RYR1: variants seen among roughly 807,000 people sequenced by gnomAD.
RYR1 encodes central core disease of muscle.
RYR1 carries 342 observed loss-of-function variants against 583.5 expected under a neutral mutation model. The observed-to-expected ratio is 0.59, with a 90% confidence interval of 0.54 to 0.64. The LOEUF is 0.64. RYR1 is among the 30% of genes least tolerant of loss of function. RYR1 has a pLI of 0.00. For missense variants in RYR1, 6,032 were observed against 6,917.2 expected (o/e 0.87, Z 4.54); for synonymous variants, 2,791 against 2,822.5 (o/e 0.99, Z 0.35).
Position 38,559,803 on chromosome 19 carries a change from A to G in RYR1, c.12283-1310A>G, listed in dbSNP as rs146705832. ...AACATTTCTCACACTGCATGTTGCT[A>G]CCCGTCTGGAGGTAATGAAATTAAT... is the stretch of plus-strand genomic sequence containing the variant. On this transcript the variant is annotated intron_variant, in intron 89 of 105. Coordinates refer to ENST00000359596, the MANE Select transcript of RYR1 (RefSeq NM_000540.3). Among the ~76,000 whole-genome samples the G allele has an allele frequency of 5.2e-3, 795 of 152,288 alleles. 10 individuals are homozygous for G. The highest frequency in any genetic ancestry group is 0.015 in the African/African-American group (615 of 41,562).
intron 16 of RYR1, 100 bp from the exon 17 acceptor site, chr19:38,457,397 T>C: frequency 6.5e-7 from 1 of 1,548,106 alleles, no homozygotes; most frequent in South Asian, 1.1e-5. Context: ...CTTATCCCGA[T>C]GCGCTGTCCT....
Position 38,494,610 on chromosome 19 carries a change from T to C in RYR1, c.6533T>C (p.Met2178Thr). The change falls in exon 39 of 106, where the codon ATG becomes ACG. Residue 2178 changes from methionine (M) to threonine (T), a missense_variant. By Grantham distance (81) the Met-to-Thr change is moderately conservative. Coordinates refer to ENST00000359596, the MANE Select transcript of RYR1 (RefSeq NM_000540.3). ...VQMGPQEENLMIQSIGNIMNN... is the reference protein window; with the variant it reads ...VQMGPQEENLTIQSIGNIMNN... ...ATGGGCCCCCAGGAGGAGAACCTCA[T>C]GATCCAGAGCATCGGGTGAGACACC... 4.3e-6 allele frequency: 7 copies of C among 1,614,120 alleles called. No individual in the cohort carries two copies. The highest frequency in any genetic ancestry group is 5.9e-6 in the Non-Finnish European group (7 of 1,180,030).
chr19:38,434,844 G>A (rs1254668459), intron 1 of RYR1, among the ~76,000 whole-genome samples: 1 of 152,154 alleles, frequency 6.6e-6, no homozygotes, highest in Non-Finnish European at 1.5e-5. Context: ...CTCCCCCCGG[G>A]GCCCTGGAGC....
Position 38,499,697 on chromosome 19 carries a change from T to C in RYR1, c.7090T>C (p.Phe2364Leu). 1 of 1,600,832 alleles carries C rather than the reference T, an allele frequency of 6.2e-7. No homozygotes were observed. Among genetic ancestry groups the C allele is most frequent in the Non-Finnish European group, 8.5e-7 (1 of 1,179,788 alleles). ...GCTGCTCATCCGGAAGCCTGAGTGCTTCGGACCCGCCCTGCGGGGTGAGGG... is the reference window on the plus strand; with the variant it reads ...GCTGCTCATCCGGAAGCCTGAGTGCCTCGGACCCGCCCTGCGGGGTGAGGG... ...VRLLIRKPECFGPALRGEGGS... is the reference protein window; with the variant it reads ...VRLLIRKPECLGPALRGEGGS... Residue 2364 changes from phenylalanine (F) to leucine (L), a missense_variant, in exon 44 of 106, where the codon TTC (phenylalanine) becomes CTC (leucine). This residue lies in a region of RYR1 where 2,627 missense variants were observed against 2,961.3 expected (regional missense o/e 0.89). Transcript: ENST00000359596. The surrounding 1 kb of genome is among the most constrained non-coding windows in gnomAD (Gnocchi z 7.3).
rs777369900 is a variant in RYR1, at chr19:38,502,746, C to CAGGGTG, written c.7835+20_7835+25dup. 1 of 1,018,020 alleles carries CAGGGTG rather than the reference C, an allele frequency of 9.8e-7. No homozygotes were observed. The highest frequency in any genetic ancestry group is 1.3e-6 in the Non-Finnish European group (1 of 746,688). 63.1% of individuals were successfully genotyped at this position (1,018,020 alleles called of 1,614,324 possible). ...TCTGCAGGTGGAGCGGGGCAGGCTT[C>CAGGGTG]AGGGTGGGGCAGGGGCAGGGGCAGG... On this transcript the variant is annotated intron_variant, in intron 48 of 105. Transcript: ENST00000359596.
chr19:38,458,592 AATTT>A (rs149336562), intron 18 of RYR1, among the ~76,000 whole-genome samples: 2 of 151,292 alleles, frequency 1.3e-5, no homozygotes, highest in Non-Finnish European at 2.9e-5. Flanking sequence ...ACCCCAGGAG[AATTT>A]ATTTATTTAT....
chr19:38,463,021 C>T (rs1600699802), intron 20 of RYR1, among the ~76,000 whole-genome samples: 2 of 149,964 alleles, frequency 1.3e-5, no homozygotes, highest in Non-Finnish European at 3.0e-5. Flanking sequence ...CTTAGCCTCC[C>T]AAGTAACTGG....
At position 38,584,975 on chromosome 19, in the gene RYR1, G is replaced by A. The variant is rs1357960959; in HGVS notation, c.14679G>A (p.Arg4893=). The change falls in exon 102 of 106, where the codon CGG becomes CGA. Residue 4893 remains arginine, a synonymous_variant. Coordinates refer to ENST00000359596, the MANE Select transcript of RYR1 (RefSeq NM_000540.3). The part of the protein sequence containing the change: ...CYLFHMYVGV[R]AGGGIGDEIE... ...TGTTTCACATGTACGTGGGTGTCCG[G>A]GCTGGCGGAGGCATTGGGGACGAGA... The A allele has an allele frequency of 3.7e-6, 6 of 1,613,904 alleles. No individual in the cohort carries two copies. The African/African-American group carries it at 5.3e-5, about 14-fold the overall frequency.
intron 99 of RYR1, among the ~76,000 whole-genome samples, chr19:38,579,134 AG>A (rs1974086177): frequency 6.7e-6 from 1 of 148,948 alleles, no homozygotes; most frequent in South Asian, 2.2e-4. Flanking sequence ...CAAAAAACAG[AG>A]AGTGGCCAGG....
intron 67 of RYR1, among the ~76,000 whole-genome samples, chr19:38,522,303 TAAA>T (rs1003297048): frequency 1.3e-5 from 2 of 152,094 alleles, no homozygotes; most frequent in African/African-American, 4.8e-5. Context: ...CAAAGTTTTT[TAAA>T]AAAGGAATAG....
intron 92 of RYR1, among the ~76,000 whole-genome samples, chr19:38,567,330 A>G (rs1973489653): frequency 6.6e-6 from 1 of 152,070 alleles, no homozygotes; most frequent in African/African-American, 2.4e-5. Context: ...TGTGTCGAAA[A>G]AGAAAAAAAA....
chr19:38,499,815 G>A lies in RYR1; in HGVS notation c.7208G>A (p.Arg2403His), dbSNP rs749136416. 3.2e-5 allele frequency: 52 copies of A among 1,606,144 alleles called. 1 individual carries two copies. Among genetic ancestry groups the A allele is most frequent in the South Asian group, 3.1e-4 (28 of 90,808 alleles). Reference sequence around the variant, plus strand: ...CCAGGCATCCGCAGGGACCGGCGGCGCGAGCAGTGAGTCTCCCGGCCCCCT... The same window carrying A: ...CCAGGCATCCGCAGGGACCGGCGGCACGAGCAGTGAGTCTCCCGGCCCCCT... Reference protein sequence around the residue: ...DGPGIRRDRRREHFGEEPPEE... With the variant: ...DGPGIRRDRRHEHFGEEPPEE... The change falls in exon 44 of 106, where the codon CGC becomes CAC. Residue 2403 changes from arginine to histidine, a missense_variant. By Grantham distance (29) the Arg-to-His change is conservative. Coordinates refer to ENST00000359596, the MANE Select transcript of RYR1 (RefSeq NM_000540.3). The surrounding 1 kb of genome is among the most constrained non-coding windows in gnomAD (Gnocchi z 7.3).
At chr19:38,580,959 C>T (rs1044819973) in intron 101 of RYR1, among the ~76,000 whole-genome samples, 25 of 147,820 alleles carry the variant, frequency 1.7e-4, no homozygotes, top group East Asian at 6.0e-4. Context: ...AGTGCAGTGG[C>T]GCAATCTCAG....
At chr19:38,453,981 G>A (rs982984228) in intron 13 of RYR1, among the ~76,000 whole-genome samples, 2 of 152,154 alleles carry the variant, frequency 1.3e-5, no homozygotes, top group Non-Finnish European at 2.9e-5. Flanking sequence ...CCACTTTGAG[G>A]CACTGCTCCT....
chr19:38,490,587 C>T, intron 36 of RYR1, 34 bp from the exon 37 acceptor site: 1 of 1,382,304 alleles, frequency 7.2e-7, no homozygotes. Flanking sequence ...TTTGGGATCT[C>T]AGACCCTCAT....
At position 38,458,234 on chromosome 19, in the gene RYR1, C is replaced by G; in HGVS notation, c.2109C>G (p.Gly703=). Residue 703 remains glycine, a synonymous_variant, in exon 18 of 106, where the codon GGC becomes GGG. Transcript: ENST00000359596. ...CTGGGGCCGGCGAGGGCTGGGGCGG[C>G]AACGGGGTCGGCGATGACCTCTATT... The part of the protein sequence containing the change: ...PYPGAGEGWG[G]NGVGDDLYSY... The G allele has an allele frequency of 6.2e-7, 1 of 1,614,026 alleles. No homozygotes were observed. Among genetic ancestry groups the G allele is most frequent in the Non-Finnish European group, 8.5e-7 (1 of 1,180,010 alleles).
Position 38,502,683 on chromosome 19 carries a change from G to T in RYR1, c.7791G>T (p.Lys2597Asn). ...TGTCTCGGGGTCGTTCGCTCACCAAGGCGCAGCGTGACGTCATCGAGGACT... is the reference window on the plus strand; with the variant it reads ...TGTCTCGGGGTCGTTCGCTCACCAATGCGCAGCGTGACGTCATCGAGGACT... ...YRLSRGRSLT[K>N]AQRDVIEDCL... Residue 2597 changes from lysine to asparagine, a missense_variant, in exon 48 of 106, where the codon AAG becomes AAT. Lys to Asn is a moderately conservative substitution (Grantham distance 94). Around this residue, in one of 11 missense-constraint regions of RYR1, gnomAD observed 250 missense variants for 162.3 expected, o/e 1.54. Coordinates refer to ENST00000359596, the MANE Select transcript of RYR1 (RefSeq NM_000540.3). The T allele has an allele frequency of 6.2e-7, 1 of 1,609,008 alleles. No individual in the cohort carries two copies.
rs1178479015 is a variant in RYR1 at position 38,502,990 on chromosome 19, A to G, written c.7926+20A>G. ...CTCAAGGTGAGGGCAAGCGCTCTTT[A>G]GCATCTCATTTCCAGGCCGCACCCA... On this transcript the variant is annotated intron_variant, in intron 49 of 105. Coordinates refer to ENST00000359596, the MANE Select transcript of RYR1 (RefSeq NM_000540.3). 1 of 1,605,052 alleles carries G rather than the reference A, an allele frequency of 6.2e-7. No individual in the cohort carries two copies. The highest frequency in any genetic ancestry group is 1.3e-5 in the African/African-American group (1 of 74,902).
Position 38,464,584 on chromosome 19 carries a change from C to T in RYR1, c.2787-55C>T, listed in dbSNP as rs547342897. ...GAGACCCTGAGGCCGTGGGAGGAGACGGGGCAGGGAGCTCTGAGGGGCGTG... is the reference window on the plus strand; with the variant it reads ...GAGACCCTGAGGCCGTGGGAGGAGATGGGGCAGGGAGCTCTGAGGGGCGTG... On this transcript the variant is annotated intron_variant, in intron 22 of 105. Coordinates refer to ENST00000359596, the MANE Select transcript of RYR1 (RefSeq NM_000540.3). The T allele has an allele frequency of 2.0e-5, 29 of 1,463,266 alleles. No individual in the cohort carries two copies. The Admixed American group carries it at 2.6e-4, about 13-fold the overall frequency. 90.6% of individuals were successfully genotyped at this position (1,463,266 alleles called of 1,614,324 possible).
Sources: gnomAD v4.1 joint callset for allele counts (sites outside exome capture counted in the v4.1 genomes callset) on GRCh38, gnomAD v4.1.1 for gene constraint, gnomAD v4.1.1 regional missense constraint, Gnocchi (gnomAD v3.1) non-coding constraint, MANE v1.5 for transcripts, NCBI Gene and HGNC (gene_info 2026-07-23, HGNC 2026-07-21) for gene names.